DTX3: variants seen among roughly 807,000 people sequenced by gnomAD.
DTX3 encodes the protein E3 ubiquitin-protein ligase DTX3.
Under a neutral mutation model 27.4 loss-of-function variants are expected in DTX3, and 10 were observed. The observed-to-expected ratio is 0.36, with a 90% CI of 0.22 to 0.62. The LOEUF (loss-of-function observed/expected upper bound fraction) is 0.62, where lower values mean the gene tolerates loss of function less well. DTX3 is among the 20% of genes least tolerant of loss of function. DTX3 has a pLI of 0.68. For synonymous variants in DTX3, 171 were observed against 190.7 expected (o/e 0.90, Z 0.85); for missense variants, 319 against 463.8 (o/e 0.69, Z 2.87).
At position 57,609,342 on chromosome 12, in the gene DTX3, G is replaced by A; in HGVS notation, c.*190G>A. On this transcript the variant is annotated 3_prime_UTR_variant, in exon 7 of 7. Coordinates refer to ENST00000337737, the MANE Select transcript of DTX3 (RefSeq NM_178502.4). ...CACTGGCCAAGTGTTTCAATGCAGT[G>A]TGAGCCACTCCCTTCTGGCAGAGGC... The A allele has an allele frequency of 1.6e-6, 1 of 606,918 alleles. No individual in the cohort carries two copies. The highest frequency in any genetic ancestry group is 2.9e-6 in the Non-Finnish European group (1 of 339,468). The allele number at this position is 606,918 out of a possible 1,614,324, so 37.6% of individuals were successfully genotyped here. A position where few individuals can be genotyped will look rare whatever the true frequency, so the allele number is the denominator to read the frequency against.
Position 57,606,433 on chromosome 12 carries a change from G to A in DTX3, c.-75-10G>A, listed in dbSNP as rs755289. 48,743 of 1,599,900 alleles carry A rather than the reference G, an allele frequency of 0.03. 876 individuals carry two copies. The highest frequency in any genetic ancestry group is 0.036 in the Non-Finnish European group (41,772 of 1,173,552). On this transcript the variant is annotated splice_polypyrimidine_tract_variant and intron_variant, in intron 3 of 6. Transcript: ENST00000337737. The stretch of plus-strand genomic sequence containing the variant: ...TTTCTCACTTTCCTTCCATTTTTCC[G>A]CCCTACCAGGTCACACGACCTACAA...
rs1555182801 is a variant in DTX3, at chr12:57,607,647, C to T, written c.750+34C>T. Reference sequence around the variant, plus strand: ...ACCATGGCCTGCCCTTACCCTTTGGCTTTCCCCAAGCTCTGACCTAGGAAA... The same window carrying T: ...ACCATGGCCTGCCCTTACCCTTTGGTTTTCCCCAAGCTCTGACCTAGGAAA... On this transcript the variant is annotated intron_variant, in intron 5 of 6. Transcript: ENST00000337737. This position sits in a 1 kb window ranked among gnomAD's most constrained non-coding sequence, Gnocchi z 7.7. 2.5e-6 allele frequency: 4 copies of T among 1,613,506 alleles called. No individual in the cohort carries two copies. The South Asian group carries it at 4.4e-5, about 18-fold the overall frequency.
In DTX3 at chr12:57,607,738, T is replaced by A; in HGVS notation, c.750+125T>A. On this transcript the variant is annotated intron_variant, in intron 5 of 6. Transcript: ENST00000337737. The surrounding 1 kb of genome is among the most constrained non-coding windows in gnomAD (Gnocchi z 7.7). Reference sequence around the variant, plus strand: ...CTTGCTGTCTTCCACTGTGCCCTCCTACTCAGTGCCCTGGACCTAGGAGGT... The same window carrying A: ...CTTGCTGTCTTCCACTGTGCCCTCCAACTCAGTGCCCTGGACCTAGGAGGT... 1 of 1,305,898 alleles carries A rather than the reference T, an allele frequency of 7.7e-7. No individual in the cohort carries two copies. Among genetic ancestry groups the A allele is most frequent in the Non-Finnish European group, 1.1e-6 (1 of 926,636 alleles). The allele number at this position is 1,305,898 out of a possible 1,614,324, so 80.9% of individuals were successfully genotyped here.
intron 4 of DTX3, 169 bp from the exon 5 acceptor site, chr12:57,606,696 T>G: frequency 7.4e-7 from 1 of 1,351,582 alleles, no homozygotes; most frequent in Non-Finnish European, 1.0e-6. Context: ...CAGTGGGTTT[T>G]GGGTTTGGAA....
At chr12:57,606,567 AT>A in intron 4 of DTX3, 49 bp downstream of exon 4, 2 of 1,605,892 alleles carry the variant, frequency 1.2e-6, no homozygotes, top group Admixed American at 1.7e-5. Context: ...TAAACAGCCC[AT>A]TTTTCCCCAA....
chr12:57,606,892 C>T lies in DTX3; in HGVS notation c.29C>T (p.Ala10Val), dbSNP rs1447487300. MSFVLSRMA[A>V]CGGTCKNKVT... ...TCGTTCGTCCTGTCCAGAATGGCAG[C>T]CTGTGGAGGCACCTGCAAGAACAAA... The change falls in exon 5 of 7, where the codon GCC becomes GTC. Residue 10 changes from alanine (A) to valine (V), a missense_variant. Around this residue, in one of 2 missense-constraint regions of DTX3, gnomAD observed 202 missense variants for 205.3 expected, o/e 0.98. Coordinates refer to ENST00000337737, the MANE Select transcript of DTX3 (RefSeq NM_178502.4). 19 of 1,613,416 alleles carry T rather than the reference C, an allele frequency of 1.2e-5. No individual in the cohort carries two copies. The highest frequency in any genetic ancestry group is 1.6e-5 in the Non-Finnish European group (19 of 1,179,562).
chr12:57,605,535 T>C (rs1883681222), intron 1 of DTX3, 36 bp from the exon 2 acceptor site: 1 of 152,202 alleles, frequency 6.6e-6, no homozygotes. Flanking sequence ...AGTCAATAAA[T>C]GGAGGTCACA....
chr12:57,606,561 C>G, intron 4 of DTX3, 43 bp downstream of exon 4: 5 of 1,609,058 alleles, frequency 3.1e-6, no homozygotes, highest in Non-Finnish European at 4.2e-6. Flanking sequence ...CCCCTTTAAA[C>G]AGCCCATTTT....
rs368321146 is a variant in DTX3 at position 57,607,290 on chromosome 12, C to G, written c.427C>G (p.Pro143Ala). ...AGCTCGGGGGCTCCCCCCTCCTCCT[C>G]CCCCCCTGCCCCCACCTCTTCCTCC... The part of the protein sequence containing the change: ...PGARGLPPPP[P>A]PLPPPLPPRL... The change falls in exon 5 of 7, where the codon CCC becomes GCC. Residue 143 changes from proline (P) to alanine (A), a missense_variant. This residue lies in a region of DTX3 where 202 missense variants were observed against 205.3 expected (regional missense o/e 0.98). Coordinates refer to ENST00000337737, the MANE Select transcript of DTX3 (RefSeq NM_178502.4). This position sits in a 1 kb window ranked among gnomAD's most constrained non-coding sequence, Gnocchi z 7.7. The G allele has an allele frequency of 7.0e-7, 1 of 1,421,626 alleles. No individual in the cohort carries two copies. The allele number at this position is 1,421,626 out of a possible 1,614,324, so 88.1% of individuals were successfully genotyped here. A position where few individuals can be genotyped will look rare whatever the true frequency, so the allele number is the denominator to read the frequency against.
Position 57,607,132 on chromosome 12 carries a change from A to G in DTX3, c.269A>G (p.Glu90Gly), listed in dbSNP as rs746396971. 6.2e-7 allele frequency: 1 copy of G among 1,614,214 alleles called. No individual in the cohort carries two copies. Among genetic ancestry groups the G allele is most frequent in the Admixed American group, 1.7e-5 (1 of 60,034 alleles). The change falls in exon 5 of 7, where the codon GAG (glutamate) becomes GGG (glycine). Residue 90 changes from glutamate to glycine, a missense_variant. Around this residue, in one of 2 missense-constraint regions of DTX3, gnomAD observed 202 missense variants for 205.3 expected, o/e 0.98. Transcript: ENST00000337737. The surrounding 1 kb of genome is among the most constrained non-coding windows in gnomAD (Gnocchi z 7.7). ...CTCAAGGGGCTGCTAAAAGAGGCAG[A>G]GAAAGAGCTGAAGAAAGCTCAGAGG... ...KALKGLLKEAEKELKKAQRQG... is the reference protein window; with the variant it reads ...KALKGLLKEAGKELKKAQRQG...
At position 57,607,216 on chromosome 12, in the gene DTX3, A is replaced by G; in HGVS notation, c.353A>G (p.His118Arg). Residue 118 changes from histidine to arginine, a missense_variant, in exon 5 of 7, where the codon CAC (histidine) becomes CGC (arginine). Transcript: ENST00000337737. The surrounding 1 kb of genome is among the most constrained non-coding windows in gnomAD (Gnocchi z 7.7). ...GGTGGAGGGGAGCACCCTGAGATGC[A>G]CCGCGCAGGCCCACCCCCTCTCCGA... Reference protein sequence around the residue: ...LGGGGEHPEMHRAGPPPLRAA... With the variant: ...LGGGGEHPEMRRAGPPPLRAA... The G allele has an allele frequency of 6.2e-7, 1 of 1,611,142 alleles. No individual in the cohort carries two copies. The highest frequency in any genetic ancestry group is 2.2e-5 in the East Asian group (1 of 44,842).
In DTX3 at chr12:57,606,407, G is replaced by A. The variant is rs1883721255; in HGVS notation, c.-75-36G>A. 15 of 1,547,132 alleles carry A rather than the reference G, an allele frequency of 9.7e-6. No homozygotes were observed. In the South Asian group the frequency reaches 1.8e-4, roughly 18 times the overall value. ...GGGGCCATGGGAATTGGGAGAAGGG[G>A]TTTCTCACTTTCCTTCCATTTTTCC... is the stretch of plus-strand genomic sequence containing the variant. On this transcript the variant is annotated intron_variant, in intron 3 of 6. Coordinates refer to ENST00000337737, the MANE Select transcript of DTX3 (RefSeq NM_178502.4).
chr12:57,606,972 C>T lies in DTX3; in HGVS notation c.109C>T (p.Leu37=). The change falls in exon 5 of 7, where the codon CTG becomes TTG. Residue 37 remains leucine (L), a synonymous_variant. Coordinates refer to ENST00000337737, the MANE Select transcript of DTX3 (RefSeq NM_178502.4). ...DFLSKETPAR[L]ARLREEHRVS... is the part of the protein sequence containing the mutation. Reference sequence around the variant, plus strand: ...CCTGAGCAAAGAGACCCCAGCCCGGCTGGCCCGGCTTCGGGAGGAGCACCG... The same window carrying T: ...CCTGAGCAAAGAGACCCCAGCCCGGTTGGCCCGGCTTCGGGAGGAGCACCG... The T allele has an allele frequency of 1.2e-6, 2 of 1,614,254 alleles. No homozygotes were observed. Among genetic ancestry groups the T allele is most frequent in the Non-Finnish European group, 1.7e-6 (2 of 1,180,048 alleles).
In DTX3 at chr12:57,607,293, C is replaced by G; in HGVS notation, c.430C>G (p.Pro144Ala). The G allele has an allele frequency of 1.9e-6, 3 of 1,574,984 alleles. No individual in the cohort carries two copies. The highest frequency in any genetic ancestry group is 2.0e-4 in the Middle Eastern group (1 of 4,956). Residue 144 changes from proline to alanine, a missense_variant, in exon 5 of 7, where the codon CCC (proline) becomes GCC (alanine). Around this residue, in one of 2 missense-constraint regions of DTX3, gnomAD observed 202 missense variants for 205.3 expected, o/e 0.98. Coordinates refer to ENST00000337737, the MANE Select transcript of DTX3 (RefSeq NM_178502.4). This position sits in a 1 kb window ranked among gnomAD's most constrained non-coding sequence, Gnocchi z 7.7. ...GARGLPPPPP[P>A]LPPPLPPRLR... ...TCGGGGGCTCCCCCCTCCTCCTCCC[C>G]CCCTGCCCCCACCTCTTCCTCCTCG... is the stretch of plus-strand genomic sequence containing the variant.
chr12:57,608,828 C>G lies in DTX3; in HGVS notation c.968+91C>G, dbSNP rs1364100717. ...CACCAACCCCTCGCTCACGGAGCCT[C>G]CTAACTGGAGAGAACCACTTCCAAA... On this transcript the variant is annotated intron_variant, in intron 6 of 6. Transcript: ENST00000337737. This position sits in a 1 kb window ranked among gnomAD's most constrained non-coding sequence, Gnocchi z 6.1. The G allele has an allele frequency of 6.9e-7, 1 of 1,446,324 alleles. No homozygotes were observed. The highest frequency in any genetic ancestry group is 1.2e-5 in the South Asian group (1 of 82,652). The allele number at this position is 1,446,324 out of a possible 1,614,324, so 89.6% of individuals were successfully genotyped here. A position where few individuals can be genotyped will look rare whatever the true frequency, so the allele number is the denominator to read the frequency against.
chr12:57,609,018 G>A (rs1883888228), intron 6 of DTX3, 59 bp from the exon 7 acceptor site: 1 of 1,501,118 alleles, frequency 6.7e-7, no homozygotes, highest in South Asian at 1.1e-5. Context: ...GGTGAGCATG[G>A]GGATAATAGC....
intron 3 of DTX3, 66 bp from the exon 4 acceptor site, chr12:57,606,377 G>T (rs1188527312): frequency 2.2e-5 from 28 of 1,290,118 alleles, no homozygotes; most frequent in Non-Finnish European, 4.3e-6. Context: ...TGGGCTGCTG[G>T]GTTGGGGGCC....
chr12:57,606,996 C>G lies in DTX3; in HGVS notation c.133C>G (p.Arg45Gly). The G allele has an allele frequency of 6.2e-7, 1 of 1,614,160 alleles. No individual in the cohort carries two copies. The highest frequency in any genetic ancestry group is 1.3e-5 in the African/African-American group (1 of 75,032). The change falls in exon 5 of 7, where the codon CGT (arginine) becomes GGT (glycine). Residue 45 changes from arginine (R) to glycine (G), a missense_variant. Physicochemically the swap from Arg to Gly is moderately radical, Grantham distance 125 (BLOSUM62 -2). This residue lies in a region of DTX3 where 202 missense variants were observed against 205.3 expected (regional missense o/e 0.98). Transcript: ENST00000337737. ...GCTGGCCCGGCTTCGGGAGGAGCAC[C>G]GTGTGTCCATCCTCATAGATGGCGA... ...ARLARLREEHRVSILIDGETS... is the reference protein window; with the variant it reads ...ARLARLREEHGVSILIDGETS...
At position 57,607,954 on chromosome 12, in the gene DTX3, G is replaced by C. The variant is rs1369878124; in HGVS notation, c.750+341G>C. Among the ~76,000 whole-genome samples, 1 of 152,216 alleles carries C rather than the reference G, an allele frequency of 6.6e-6. No homozygotes were observed. The highest frequency in any genetic ancestry group is 1.5e-5 in the Non-Finnish European group (1 of 68,042). On this transcript the variant is annotated intron_variant, in intron 5 of 6. Coordinates refer to ENST00000337737, the MANE Select transcript of DTX3 (RefSeq NM_178502.4). This position sits in a 1 kb window ranked among gnomAD's most constrained non-coding sequence, Gnocchi z 7.7. ...GTGGAGGTGGTGGCTTAGGGGAAGGGAGGCACAATAGGAAGGGATCTGACC... is the reference window on the plus strand; with the variant it reads ...GTGGAGGTGGTGGCTTAGGGGAAGGCAGGCACAATAGGAAGGGATCTGACC...
Sources: allele counts gnomAD v4.1 joint callset (sites outside exome capture counted in the v4.1 genomes callset), GRCh38; gene constraint gnomAD v4.1.1; regional missense constraint gnomAD v4.1.1; non-coding constraint Gnocchi (gnomAD v3.1); transcripts MANE v1.5; gene names NCBI Gene and HGNC (gene_info 2026-07-23, HGNC 2026-07-21).